TPT1: variants seen among roughly 807,000 people sequenced by gnomAD.
TPT1 encodes translationally-controlled tumor protein.
In TPT1, 5 loss-of-function variants were observed where a neutral mutation model predicts 22.8. The ratio of observed to expected loss-of-function variants is 0.22; its 90% CI spans 0.11 to 0.46. The LOEUF (loss-of-function observed/expected upper bound fraction) is 0.46, where lower values mean the gene tolerates loss of function less well. Ranked by LOEUF, TPT1 falls within the 20% of genes least tolerant of loss-of-function variation. The probability of loss-of-function intolerance (pLI) is 0.99; values close to 1 mark genes in which losing one functional copy is unlikely to be tolerated. For missense variants in TPT1, 130 were observed against 218.7 expected (o/e 0.59, Z 2.56); for synonymous variants, 89 against 73.6 (o/e 1.21, Z -1.07).
In TPT1 at chr13:45,337,328, G is replaced by A. The variant is rs1878763459; in HGVS notation, c.*58C>T. ...TCTTAAGTCCTGGTGTTGTGTGGAT[G>A]ACAAGCAGAAGCCAGTTATGATGAC... On this transcript the variant is annotated 3_prime_UTR_variant, in exon 6 of 6. Transcript: ENST00000530705. 2 of 1,549,626 alleles carry A rather than the reference G, an allele frequency of 1.3e-6. No homozygotes were observed. The highest frequency in any genetic ancestry group is 2.7e-5 in the African/African-American group (2 of 73,596).
intron 3 of TPT1, 39 bp downstream of exon 3, chr13:45,339,955 G>C (rs1228751944): frequency 6.2e-7 from 1 of 1,601,520 alleles, no homozygotes; most frequent in Non-Finnish European, 8.5e-7. Context: ...AATCCTGTAA[G>C]ATTCTAGACA....
At position 45,337,017 on chromosome 13, in the gene TPT1, A is replaced by G; in HGVS notation, c.*369T>C. 3.9e-6 allele frequency: 1 copy of G among 257,316 alleles called. No individual in the cohort carries two copies. Among genetic ancestry groups the G allele is most frequent in the Non-Finnish European group, 7.5e-6 (1 of 132,784 alleles). The allele number at this position is 257,316 out of a possible 1,614,324, so 15.9% of individuals were successfully genotyped here. A position where few individuals can be genotyped will look rare whatever the true frequency, so the allele number is the denominator to read the frequency against. On this transcript the variant is annotated 3_prime_UTR_variant, in exon 6 of 6. Coordinates refer to ENST00000530705, the MANE Select transcript of TPT1 (RefSeq NM_003295.4). ...TTTCCCTTTATTGCAACTCAAAATC[A>G]GAACCTTTGATTCTTTTTTATATTC...
Position 45,336,528 on chromosome 13 carries a change from C to A in TPT1, c.*858G>T, listed in dbSNP as rs890532655. On this transcript the variant is annotated 3_prime_UTR_variant, in exon 6 of 6. Transcript: ENST00000530705. The stretch of plus-strand genomic sequence containing the variant: ...CTTTGCCCACCAGCCAGCCCACATT[C>A]TGTGTACCTTCATCTTTTAAATCAG... 6.6e-6 allele frequency: 1 copy of A among 152,228 alleles called. No homozygotes were observed. Among genetic ancestry groups the A allele is most frequent in the South Asian group, 2.1e-4 (1 of 4,830 alleles). The allele number at this position is 152,228 out of a possible 1,614,324, so 9.4% of individuals were successfully genotyped here.
rs1878531867 is a variant in TPT1 at position 45,334,091 on chromosome 13, T to C, written c.*3295A>G. ...AGTAGCTGGGACTACAGATGCCCAA[T>C]TAATTTTTTTAGGTCTCCCTATGTT... is the stretch of plus-strand genomic sequence containing the variant. On this transcript the variant is annotated 3_prime_UTR_variant, in exon 6 of 6. Transcript: ENST00000530705. The C allele has an allele frequency of 6.6e-6, 1 of 152,212 alleles. No homozygotes were observed. Among genetic ancestry groups the C allele is most frequent in the African/African-American group, 2.4e-5 (1 of 41,408 alleles). 9.4% of individuals were successfully genotyped at this position (152,212 alleles called of 1,614,324 possible).
At chr13:45,339,834 CAT>C (rs1456428065) in intron 3 of TPT1, 158 bp downstream of exon 3, 2 of 829,076 alleles carry the variant, frequency 2.4e-6, no homozygotes, top group Non-Finnish European at 3.7e-6. Context: ...TCAGTATGCT[CAT>C]ATTATAGAAA....
rs1339006395 is a variant in TPT1, at chr13:45,340,905, GC to G, written c.29-121del. ...CGTAGCACACCAGAGCTGGGCGCGA[GC>G]CCCGGGCACCGACCCCTCCGCGCTC... On this transcript the variant is annotated intron_variant, in intron 1 of 5. Transcript: ENST00000530705. 5.4e-6 allele frequency: 8 copies of G among 1,493,682 alleles called. No individual in the cohort carries two copies. In the African/African-American group the frequency reaches 7.1e-5, roughly 13 times the overall value. The allele number at this position is 1,493,682 out of a possible 1,614,324, so 92.5% of individuals were successfully genotyped here.
intron 5 of TPT1, chr13:45,337,745 G>C: frequency 1.7e-6 from 1 of 605,814 alleles, no homozygotes; most frequent in South Asian, 2.0e-5. Flanking sequence ...ACTGTTCTAA[G>C]TAATTTCTGT....
Position 45,341,126 on chromosome 13 carries a change from G to C in TPT1, c.-57C>G. On this transcript the variant is annotated 5_prime_UTR_variant, in exon 1 of 6. Transcript: ENST00000530705. ...TAGCTTAGCACGAGCCTGAAACTCG[G>C]AGCGAGCGCGGTGCAGCCGGAGCGG... The C allele has an allele frequency of 4.4e-6, 7 of 1,603,170 alleles. No individual in the cohort carries two copies. Among genetic ancestry groups the C allele is most frequent in the South Asian group, 1.1e-5 (1 of 89,748 alleles).
intron 5 of TPT1, 134 bp from the exon 6 acceptor site, chr13:45,337,522 C>T (rs1290581617): frequency 3.7e-5 from 60 of 1,613,506 alleles, no homozygotes; most frequent in Non-Finnish European, 4.8e-5. Flanking sequence ...CAAAGACAGA[C>T]AGAAAGCGCA....
intron 4 of TPT1, 186 bp from the exon 5 acceptor site, chr13:45,338,962 A>G: frequency 4.0e-6 from 2 of 494,820 alleles, no homozygotes; most frequent in Non-Finnish European, 7.0e-6. Context: ...ATAGTGACCT[A>G]AATAGAAAAA....
intron 2 of TPT1, 172 bp from the exon 3 acceptor site, chr13:45,340,356 A>G: frequency 2.0e-6 from 2 of 984,516 alleles, no homozygotes; most frequent in South Asian, 1.4e-5. Context: ...CCTAACTTAA[A>G]AGAGTTGTCT....
At chr13:45,340,899 G>A (rs1455013775) in intron 1 of TPT1, 114 bp from the exon 2 acceptor site, 81 of 1,489,344 alleles carry the variant, frequency 5.4e-5, no homozygotes, top group South Asian at 2.2e-4. Context: ...CCAGAGCTGG[G>A]CGCGAGCCCC....
Position 45,333,788 on chromosome 13 carries a change from G to T in TPT1, c.*3598C>A, listed in dbSNP as rs1182345860. 3.3e-5 allele frequency: 5 copies of T among 152,076 alleles called. No homozygotes were observed. The highest frequency in any genetic ancestry group is 4.8e-5 in the African/African-American group (2 of 41,404). The allele number at this position is 152,076 out of a possible 1,614,324, so 9.4% of individuals were successfully genotyped here. Reference sequence around the variant, plus strand: ...CCTTTCCCACTAGTGAAATCCAACGGTAGTCAAGTTTACCACTATCAGGCC... The same window carrying T: ...CCTTTCCCACTAGTGAAATCCAACGTTAGTCAAGTTTACCACTATCAGGCC... On this transcript the variant is annotated 3_prime_UTR_variant, in exon 6 of 6. Coordinates refer to ENST00000530705, the MANE Select transcript of TPT1 (RefSeq NM_003295.4).
chr13:45,340,830 CCATTTCCCG>C (rs753317916), intron 1 of TPT1, 45 bp from the exon 2 acceptor site: 19 of 1,496,196 alleles, frequency 1.3e-5, no homozygotes, highest in Admixed American at 7.4e-5. Flanking sequence ...CCTGGCGCCG[CCATTTCCCG>C]CATTTCCCGC....
chr13:45,335,419 CCA>C lies in TPT1; in HGVS notation c.*1965_*1966del, dbSNP rs1194208596. 1 of 152,186 alleles carries C rather than the reference CCA, an allele frequency of 6.6e-6. No individual in the cohort carries two copies. The highest frequency in any genetic ancestry group is 1.5e-5 in the Non-Finnish European group (1 of 68,050). The allele number at this position is 152,186 out of a possible 1,614,324, so 9.4% of individuals were successfully genotyped here. On this transcript the variant is annotated 3_prime_UTR_variant, in exon 6 of 6. Coordinates refer to ENST00000530705, the MANE Select transcript of TPT1 (RefSeq NM_003295.4). Reference sequence around the variant, plus strand: ...TCAAAACAAGTTGGAGCAGTGGAGCCCACAAAGTCTCTGAATTGCTACTTGTC... The same window carrying C: ...TCAAAACAAGTTGGAGCAGTGGAGCCCAAAGTCTCTGAATTGCTACTTGTC...
chr13:45,340,619 G>T, intron 2 of TPT1, 93 bp downstream of exon 2: 1 of 1,390,056 alleles, frequency 7.2e-7, no homozygotes. Context: ...CCAGGAGGCG[G>T]CGGGGAGGAT....
intron 2 of TPT1, chr13:45,340,427 C>G: frequency 1.3e-6 from 1 of 746,356 alleles, no homozygotes; most frequent in Middle Eastern, 2.2e-4. Flanking sequence ...GCATGTGATG[C>G]CTCCGGTTGG....
At chr13:45,340,938 G>A (rs1198027670) in intron 1 of TPT1, 104 bp downstream of exon 1, 7 of 1,539,942 alleles carry the variant, frequency 4.5e-6, no homozygotes, top group Non-Finnish European at 6.1e-6. Context: ...GCTCGGCTAA[G>A]ACCGCCGGCG....
chr13:45,338,293 T>A (rs1211997778), intron 5 of TPT1: 2 of 235,878 alleles, frequency 8.5e-6, no homozygotes, highest in Non-Finnish European at 1.6e-5. Context: ...CTAATTTTTG[T>A]ATTTTTAGCA....
Sources: allele counts gnomAD v4.1 joint callset, GRCh38; gene constraint gnomAD v4.1.1; transcripts MANE v1.5; gene names NCBI Gene and HGNC (gene_info 2026-07-23, HGNC 2026-07-21).